The following EML6 variants were observed in gnomAD, a reference collection of about 807,000 sequenced individuals.
EML6 encodes the protein echinoderm microtubule-associated protein-like 6.
Under a neutral mutation model 240.1 loss-of-function variants are expected in EML6, and 154 were observed. That is an observed-to-expected ratio of 0.64 (90% CI 0.56 to 0.73). The LOEUF (loss-of-function observed/expected upper bound fraction) is 0.73, where lower values mean the gene tolerates loss of function less well. Ranked by LOEUF, EML6 falls within the 30% of genes least tolerant of loss-of-function variation. EML6 has a pLI of 0.00. For synonymous variants in EML6, 1,148 were observed against 899.0 expected (o/e 1.28, Z -4.95); for missense variants, 2,964 against 2,474.6 (o/e 1.20, Z -4.20).
Position 54,759,039 on chromosome 2 carries a change from A to C in EML6, c.197+33781A>C, listed in dbSNP as rs112735798. Among the ~76,000 whole-genome samples, 1,480 of 152,034 alleles carry C rather than the reference A, an allele frequency of 9.7e-3. 29 individuals are homozygous for C. The highest frequency in any genetic ancestry group is 0.034 in the African/African-American group (1,398 of 41,406). On this transcript the variant is annotated intron_variant, in intron 2 of 41. Coordinates refer to ENST00000356458, the MANE Select transcript of EML6 (RefSeq NM_001039753.4). ...AGGGATGGAGTGCTTGGCACTCAGC[A>C]CACGACCCAGTATTCTTGTGTGGCT...
intron 2 of EML6, among the ~76,000 whole-genome samples, chr2:54,801,139 T>G (rs1374971070): frequency 6.6e-6 from 1 of 151,672 alleles, no homozygotes; most frequent in Admixed American, 6.6e-5. Context: ...GCTAATACAG[T>G]GAAACCCCGT....
At chr2:54,803,948 G>C (rs1479436629) in intron 2 of EML6, among the ~76,000 whole-genome samples, 1 of 152,192 alleles carries the variant, frequency 6.6e-6, no homozygotes, top group East Asian at 1.9e-4. Context: ...AAATCACATT[G>C]AATTCAACAG....
chr2:54,913,071 G>GT (rs1216432893), intron 25 of EML6, among the ~76,000 whole-genome samples: 58,905 of 125,656 alleles, frequency 0.47, 12,635 homozygotes, highest in South Asian at 0.6. Flanking sequence ...GCCAGATTCT[G>GT]TTTTTTTTTT....
chr2:54,802,095 C>G (rs1670183427), intron 2 of EML6, among the ~76,000 whole-genome samples: 1 of 152,124 alleles, frequency 6.6e-6, no homozygotes, highest in South Asian at 2.1e-4. Flanking sequence ...ATAGGCTAGG[C>G]ACGGTGCTGT....
Position 54,950,655 on chromosome 2 carries a change from G to T in EML6, c.4089G>T (p.Leu1363=), listed in dbSNP as rs990056618. Residue 1363 remains leucine (L), a synonymous_variant, in exon 30 of 42, where the codon CTG becomes CTT. Transcript: ENST00000356458. ...ATCTGTGTGTGTGAATGCAGGAGCTGGCTCTAGACCACGTGTTTGGCTACA... is the reference window on the plus strand; with the variant it reads ...ATCTGTGTGTGTGAATGCAGGAGCTTGCTCTAGACCACGTGTTTGGCTACA... ...ITKKKKLVEE[L]ALDHVFGYRG... 14 of 1,551,602 alleles carry T rather than the reference G, an allele frequency of 9.0e-6. No individual in the cohort carries two copies. In the African/African-American group the frequency reaches 1.9e-4, roughly 21 times the overall value.
intron 21 of EML6, among the ~76,000 whole-genome samples, 174 bp from the exon 22 acceptor site, chr2:54,899,467 T>G (rs1464676424): frequency 1.3e-5 from 2 of 152,126 alleles, no homozygotes; most frequent in Non-Finnish European, 2.9e-5. Context: ...GATTCAAGTT[T>G]AAATGAAAAA....
At chr2:54,746,003 G>T (rs770467780) in intron 2 of EML6, among the ~76,000 whole-genome samples, 22 of 152,326 alleles carry the variant, frequency 1.4e-4, no homozygotes, top group Middle Eastern at 3.4e-3. Flanking sequence ...GCTGGTGGTG[G>T]AGGAAGTGGA....
chr2:54,915,258 G>C (rs764567283), intron 25 of EML6, among the ~76,000 whole-genome samples: 1 of 152,160 alleles, frequency 6.6e-6, no homozygotes, highest in Non-Finnish European at 1.5e-5. Flanking sequence ...TGTTGTGTTG[G>C]GGTGTCTGCC....
At chr2:54,895,076 G>A (rs1355737919) in intron 20 of EML6, 50 bp downstream of exon 20, 2 of 1,434,964 alleles carry the variant, frequency 1.4e-6, no homozygotes, top group Non-Finnish European at 1.9e-6. Context: ...TAGGGATGGA[G>A]AAGATTGTAC....
At chr2:54,827,847 G>C (rs1303763349) in intron 6 of EML6, 96 bp downstream of exon 6, 1 of 876,466 alleles carries the variant, frequency 1.1e-6, no homozygotes, top group Non-Finnish European at 1.8e-6. Flanking sequence ...TTTAGAATCA[G>C]AGAACCCTGC....
At chr2:54,943,369 C>T (rs574411442) in intron 28 of EML6, among the ~76,000 whole-genome samples, 10 of 152,276 alleles carry the variant, frequency 6.6e-5, no homozygotes, top group South Asian at 4.1e-4. Flanking sequence ...TGTCACTCTC[C>T]CACAGCCAGA....
intron 28 of EML6, among the ~76,000 whole-genome samples, chr2:54,945,060 C>T (rs1309680185): frequency 8.1e-6 from 1 of 124,038 alleles, no homozygotes; most frequent in Non-Finnish European, 1.7e-5. Context: ...TCCTCCCTCT[C>T]TGCCTCCCCC....
chr2:54,917,488 C>G (rs993244471), intron 26 of EML6, among the ~76,000 whole-genome samples: 1 of 151,740 alleles, frequency 6.6e-6, no homozygotes, highest in Non-Finnish European at 1.5e-5. Flanking sequence ...CTCAGCCTCC[C>G]GAGTAGCTGG....
intron 33 of EML6, 44 bp downstream of exon 33, chr2:54,958,042 CTGGGCATGGGCA>C (rs779810453): frequency 5.3e-6 from 8 of 1,501,166 alleles, no homozygotes; most frequent in Non-Finnish European, 7.2e-6. Context: ...CCCAGACCCC[CTGGGCATGGGCA>C]TGGGCATGGG....
chr2:54,745,065 T>G (rs1572848861), intron 2 of EML6, among the ~76,000 whole-genome samples: 1 of 151,892 alleles, frequency 6.6e-6, no homozygotes, highest in South Asian at 2.1e-4. Context: ...GGGGGAGTCT[T>G]TACAAGAGAA....
At chr2:54,894,870 G>C in intron 19 of EML6, 45 bp from the exon 20 acceptor site, 1 of 1,373,408 alleles carries the variant, frequency 7.3e-7, no homozygotes, top group Non-Finnish European at 1.0e-6. Flanking sequence ...TGGGTAATTG[G>C]TCATTTTGAT....
chr2:54,859,622 A>G lies in EML6; in HGVS notation c.1746A>G (p.Gly582=), dbSNP rs1235293730. 8 of 1,551,342 alleles carry G rather than the reference A, an allele frequency of 5.2e-6. No homozygotes were observed. Among genetic ancestry groups the G allele is most frequent in the Non-Finnish European group, 7.0e-6 (8 of 1,146,896 alleles). The change falls in exon 12 of 42, where the codon GGA becomes GGG. Residue 582 remains glycine, a synonymous_variant. Coordinates refer to ENST00000356458, the MANE Select transcript of EML6 (RefSeq NM_001039753.4). ...ACTTTCAGTGGGTGTTGAGCACAGG[A>G]GGGGCTGATCACTCAGTTTTCCAGT... ...SHDFQWVLST[G]GADHSVFQWR...
chr2:54,940,561 T>A (rs1314379628), intron 28 of EML6, among the ~76,000 whole-genome samples: 1 of 152,192 alleles, frequency 6.6e-6, no homozygotes, highest in African/African-American at 2.4e-5. Flanking sequence ...ACCTTACACT[T>A]AATACACAGC....
At chr2:54,966,381 A>G (rs1676748093) in intron 38 of EML6, among the ~76,000 whole-genome samples, 1 of 152,234 alleles carries the variant, frequency 6.6e-6, no homozygotes, top group South Asian at 2.1e-4. Context: ...TTCCAGGAGA[A>G]GCACTGCAGG....
Sources: allele counts gnomAD v4.1 joint callset (sites outside exome capture counted in the v4.1 genomes callset), GRCh38; gene constraint gnomAD v4.1.1; transcripts MANE v1.5; gene names NCBI Gene and HGNC (gene_info 2026-07-23, HGNC 2026-07-21).